GABRR2: variants seen among roughly 807,000 people sequenced by gnomAD.
GABRR2 encodes the protein gamma-aminobutyric acid receptor subunit rho-2.
In GABRR2, 36 loss-of-function variants were observed where a neutral mutation model predicts 47.0. The observed-to-expected ratio is 0.77, with a 90% confidence interval of 0.59 to 1.01. GABRR2 has a LOEUF of 1.01. Among genes scored for constraint, GABRR2 ranks in the 50% least tolerant of loss-of-function variants. The pLI is 0.00. For missense variants in GABRR2, 587 were observed against 594.6 expected, an observed-to-expected ratio of 0.99 and a Z score of 0.13; for synonymous variants, 204 against 227.5, an observed-to-expected ratio of 0.90 and a Z score of 0.93.
intron 2 of GABRR2, among the ~76,000 whole-genome samples, chr6:89,285,481 G>A (rs1214127101): frequency 3.9e-5 from 6 of 152,160 alleles, no homozygotes; most frequent in Non-Finnish European, 5.9e-5. Flanking sequence ...ATGCGATTGC[G>A]GGTGGGGAGT....
intron 1 of GABRR2, 37 bp from the exon 2 acceptor site, chr6:89,299,902 C>T (rs757013549): frequency 9.1e-6 from 12 of 1,325,920 alleles, no homozygotes; most frequent in Non-Finnish European, 1.3e-5. Flanking sequence ...TCCATCGGCT[C>T]TTCAATGCAT....
At chr6:89,313,998 G>A (rs950914162) in intron 1 of GABRR2, among the ~76,000 whole-genome samples, 4 of 148,050 alleles carry the variant, frequency 2.7e-5, no homozygotes, top group Non-Finnish European at 5.9e-5. Context: ...AGTAGAGGCT[G>A]TAACTCTTAT....
At position 89,264,287 on chromosome 6, in the gene GABRR2, C is replaced by A. The variant is rs78673668; in HGVS notation, c.1086+125G>T. ...CCAGAACCTATTCTAAAACAAGATC[C>A]TCCTCGTTTTGCACAAACATCTCCT... On this transcript the variant is annotated intron_variant, in intron 8 of 8. Coordinates refer to ENST00000402938, the MANE Select transcript of GABRR2 (RefSeq NM_002043.5). 3,486 of 1,140,768 alleles carry A rather than the reference C, an allele frequency of 3.1e-3. 77 individuals are homozygous for A. The African/African-American group carries it at 0.046, about 15-fold the overall frequency. The allele number at this position is 1,140,768 out of a possible 1,614,324, so 70.7% of individuals were successfully genotyped here.
At chr6:89,313,242 C>CCCA (rs1403211315) in intron 1 of GABRR2, among the ~76,000 whole-genome samples, 2 of 152,174 alleles carry the variant, frequency 1.3e-5, no homozygotes, top group African/African-American at 2.4e-5. Context: ...GAGTAGGAAT[C>CCCA]CCACAAGACA....
intron 2 of GABRR2, among the ~76,000 whole-genome samples, chr6:89,288,225 G>A (rs1342496633): frequency 2.6e-5 from 4 of 152,034 alleles, no homozygotes; most frequent in Non-Finnish European, 5.9e-5. Context: ...AGAGAAACCA[G>A]AGAGGGGAGG....
At chr6:89,314,773 C>T (rs1767733920) in intron 1 of GABRR2, among the ~76,000 whole-genome samples, 1 of 152,240 alleles carries the variant, frequency 6.6e-6, no homozygotes, top group African/African-American at 2.4e-5. Context: ...ATTTTACCCA[C>T]TACGTCTCCA....
intron 2 of GABRR2, among the ~76,000 whole-genome samples, chr6:89,284,022 C>A (rs1231697363): frequency 6.6e-6 from 1 of 152,112 alleles, no homozygotes; most frequent in South Asian, 2.1e-4. Flanking sequence ...TGCAAACTCT[C>A]CGATGGTCCC....
At chr6:89,299,619 T>C (rs1774614718) in intron 2 of GABRR2, 140 bp downstream of exon 2, 3 of 617,226 alleles carry the variant, frequency 4.9e-6, no homozygotes, top group Non-Finnish European at 8.8e-6. Context: ...AATTAGGGAC[T>C]CAGGAAATGG....
chr6:89,266,213 C>T (rs996675403), intron 6 of GABRR2, among the ~76,000 whole-genome samples: 1 of 152,144 alleles, frequency 6.6e-6, no homozygotes, highest in African/African-American at 2.4e-5. Context: ...CAGGTGTGTG[C>T]CACCATGCCC....
chr6:89,307,247 C>G (rs1767584319), intron 1 of GABRR2, among the ~76,000 whole-genome samples: 1 of 152,186 alleles, frequency 6.6e-6, no homozygotes, highest in Admixed American at 6.5e-5. Context: ...ATTCACCTCT[C>G]TGGGGTGAAT....
intron 2 of GABRR2, among the ~76,000 whole-genome samples, chr6:89,289,317 G>A (rs1774395217): frequency 1.3e-5 from 2 of 152,200 alleles, no homozygotes; most frequent in South Asian, 4.1e-4. Context: ...AACAAGGGAA[G>A]CCTTGAAGCT....
At chr6:89,302,657 C>CATG (rs958769162) in intron 1 of GABRR2, 6 of 1,290,966 alleles carry the variant, frequency 4.6e-6, no homozygotes, top group Non-Finnish European at 6.5e-6. Flanking sequence ...ATGCCAAGAA[C>CATG]ATGATGGCTG....
At chr6:89,291,534 C>T (rs1031308884) in intron 2 of GABRR2, among the ~76,000 whole-genome samples, 13 of 151,910 alleles carry the variant, frequency 8.6e-5, no homozygotes, top group Non-Finnish European at 1.6e-4. Context: ...CCTGACACTT[C>T]GCTGCTTCCT....
At chr6:89,280,458 G>A (rs545074179) in intron 2 of GABRR2, among the ~76,000 whole-genome samples, 42 of 151,978 alleles carry the variant, frequency 2.8e-4, no homozygotes, top group African/African-American at 9.4e-4. Flanking sequence ...CTTAGCACTG[G>A]TGTCTATGTC....
At chr6:89,298,440 T>A (rs1356966944) in intron 2 of GABRR2, among the ~76,000 whole-genome samples, 1 of 152,192 alleles carries the variant, frequency 6.6e-6, no homozygotes, top group Admixed American at 6.5e-5. Flanking sequence ...TCTCCCCATT[T>A]TATAAACAAA....
rs1773663002 is a variant in GABRR2, at chr6:89,258,557, AAAT to A, written c.1087-579_1087-577del. ...TCCTTCTCTAAAAAAAAAAAAAAAA[AAAT>A]GTTTTTTTTAATTAGCCAGGCATGG... On this transcript the variant is annotated intron_variant, in intron 8 of 8. Coordinates refer to ENST00000402938, the MANE Select transcript of GABRR2 (RefSeq NM_002043.5). 2.6e-5 allele frequency among the ~76,000 whole-genome samples: 3 copies of A among 117,590 alleles called. No individual in the cohort carries two copies. The South Asian group carries it at 7.6e-4, about 30-fold the overall frequency. 77.1% of individuals were successfully genotyped at this position (117,590 alleles called of 152,430 possible).
intron 1 of GABRR2, chr6:89,302,590 C>A: frequency 1.8e-6 from 2 of 1,090,614 alleles, no homozygotes; most frequent in East Asian, 3.7e-5. Flanking sequence ...GCATGAAGCC[C>A]GGGCAGCCAG....
chr6:89,286,016 G>A (rs551719586), intron 2 of GABRR2, among the ~76,000 whole-genome samples: 19 of 101,868 alleles, frequency 1.9e-4, no homozygotes, highest in African/African-American at 5.7e-4. Flanking sequence ...CTCCCCGCCC[G>A]CACCCCCAAC....
Position 89,315,074 on chromosome 6 carries a change from T to C in GABRR2, c.92A>G (p.Gln31Arg). The C allele has an allele frequency of 6.2e-7, 1 of 1,613,808 alleles. No homozygotes were observed. Among genetic ancestry groups the C allele is most frequent in the Non-Finnish European group, 8.5e-7 (1 of 1,179,770 alleles). The change falls in exon 1 of 9, where the codon CAG becomes CGG. Residue 31 changes from glutamine to arginine, a missense_variant. Gln to Arg is a conservative substitution (Grantham distance 43). Transcript: ENST00000402938. The part of the protein sequence containing the change: ...RKPKRKRWTG[Q>R]VEMPKPSHLY... ...TTACCTTGGCTTGGGCATTTCCACC[T>C]GCCCTGTCCATCGCTTCCTCTTGGG...
Sources: allele counts gnomAD v4.1 joint callset (sites outside exome capture counted in the v4.1 genomes callset), GRCh38; gene constraint gnomAD v4.1.1; transcripts MANE v1.5; gene names NCBI Gene and HGNC (gene_info 2026-07-23, HGNC 2026-07-21).